RRP1B: variants seen among roughly 807,000 people sequenced by gnomAD.
RRP1B encodes the protein ribosomal RNA processing 1B, also known as ribosomal RNA processing protein 1 homolog B.
Under a neutral mutation model 80.2 loss-of-function variants are expected in RRP1B, and 56 were observed. The observed-to-expected ratio is 0.70, with a 90% confidence interval of 0.56 to 0.87. The LOEUF is 0.87. Ranked by LOEUF, RRP1B falls within the 40% of genes least tolerant of loss-of-function variation. The probability of loss-of-function intolerance (pLI) is 0.00; values close to 1 mark genes in which losing one functional copy is unlikely to be tolerated. For synonymous variants in RRP1B, 351 were observed against 357.6 expected, an observed-to-expected ratio of 0.98 and a Z score of 0.21; for missense variants, 807 against 939.8, an observed-to-expected ratio of 0.86 and a Z score of 1.85.
chr21:43,693,199 A>T lies in RRP1B; in HGVS notation c.2093A>T (p.Lys698Met). ...LNRNMTAEFK[K>M]TDKSILVSPT... is the part of the protein sequence containing the mutation. The stretch of plus-strand genomic sequence containing the variant: ...CTCTCATTTGGGACAGAATTCAAGA[A>T]GACAGACAAGAGTATCTTGGTCAGT... Residue 698 changes from lysine (K) to methionine (M), a missense_variant, in exon 16 of 16, where the codon AAG (lysine) becomes ATG (methionine). Coordinates refer to ENST00000340648, the MANE Select transcript of RRP1B (RefSeq NM_015056.3). The surrounding 1 kb of genome is among the most constrained non-coding windows in gnomAD (Gnocchi z 4.1). 1 of 1,613,926 alleles carries T rather than the reference A, an allele frequency of 6.2e-7. No individual in the cohort carries two copies. The highest frequency in any genetic ancestry group is 1.1e-5 in the South Asian group (1 of 91,050).
chr21:43,682,241 A>G (rs562494829), intron 8 of RRP1B, among the ~76,000 whole-genome samples: 1 of 152,270 alleles, frequency 6.6e-6, no homozygotes, highest in Admixed American at 6.5e-5. Context: ...CTGTCGCCTA[A>G]CCTGGACACA....
Position 43,683,341 on chromosome 21 carries a change from G to A in RRP1B, c.859G>A (p.Gly287Arg), listed in dbSNP as rs372777760. The change falls in exon 9 of 16, where the codon GGA (glycine) becomes AGA (arginine). Residue 287 changes from glycine (G) to arginine (R), a missense_variant. Coordinates refer to ENST00000340648, the MANE Select transcript of RRP1B (RefSeq NM_015056.3). Reference sequence around the variant, plus strand: ...TGATGAAAGAGGAAGAGATGACTGTGGAACCTTTGAGGACACAGGGCCCCT... The same window carrying A: ...TGATGAAAGAGGAAGAGATGACTGTAGAACCTTTGAGGACACAGGGCCCCT... ...LSDERGRDDCGTFEDTGPLLQ... is the reference protein window; with the variant it reads ...LSDERGRDDCRTFEDTGPLLQ... The A allele has an allele frequency of 4.3e-6, 7 of 1,614,014 alleles. No individual in the cohort carries two copies. The African/African-American group carries it at 8.0e-5, about 18-fold the overall frequency.
At chr21:43,689,248 G>A (rs1242012268) in intron 13 of RRP1B, among the ~76,000 whole-genome samples, 1 of 152,256 alleles carries the variant, frequency 6.6e-6, no homozygotes, top group East Asian at 1.9e-4. Context: ...CTGTAAAGCA[G>A]AAAATAACTC....
chr21:43,677,880 C>T (rs1242732630), intron 8 of RRP1B, among the ~76,000 whole-genome samples: 4 of 152,160 alleles, frequency 2.6e-5, no homozygotes, highest in African/African-American at 4.8e-5. Context: ...GTGTATATTC[C>T]GCATTTTCTT....
rs971701384 is a variant in RRP1B at position 43,691,190 on chromosome 21, C to G, written c.2020-249C>G. ...AGATGGGCCAAGAGTGTGGGCACCA[C>G]TGACCCTGGGCTGGGGGGTTGCGTG... On this transcript the variant is annotated intron_variant, in intron 14 of 15. Coordinates refer to ENST00000340648, the MANE Select transcript of RRP1B (RefSeq NM_015056.3). The surrounding 1 kb of genome is among the most constrained non-coding windows in gnomAD (Gnocchi z 4.2). 2.6e-5 allele frequency among the ~76,000 whole-genome samples: 4 copies of G among 152,220 alleles called. No homozygotes were observed. The highest frequency in any genetic ancestry group is 2.6e-4 in the Admixed American group (4 of 15,274).
intron 1 of RRP1B, among the ~76,000 whole-genome samples, chr21:43,667,118 G>A (rs369815387): frequency 4.6e-5 from 7 of 152,142 alleles, no homozygotes; most frequent in African/African-American, 1.2e-4. Context: ...CATCACCTCT[G>A]GCATCTGATG....
rs1177021685 is a variant in RRP1B at position 43,673,965 on chromosome 21, G to T, written c.357+10G>T. The T allele has an allele frequency of 6.3e-7, 1 of 1,580,234 alleles. No individual in the cohort carries two copies. Among genetic ancestry groups the T allele is most frequent in the African/African-American group, 1.4e-5 (1 of 73,996 alleles). On this transcript the variant is annotated intron_variant, in intron 4 of 15. Transcript: ENST00000340648. ...GGACAAATACTATATGGTAAGATCT[G>T]CCGCAGTTACTTCAAAAACTCCTGG...
At chr21:43,679,212 TTTTG>T (rs978917021) in intron 8 of RRP1B, among the ~76,000 whole-genome samples, 14 of 149,990 alleles carry the variant, frequency 9.3e-5, no homozygotes, top group African/African-American at 3.6e-4. Context: ...TTTGAGGGTT[TTTTG>T]TTTTTTTGTG....
rs2083010291 is a variant in RRP1B at position 43,673,916 on chromosome 21, G to C, written c.318G>C (p.Trp106Cys). 1 of 1,613,618 alleles carries C rather than the reference G, an allele frequency of 6.2e-7. No individual in the cohort carries two copies. The highest frequency in any genetic ancestry group is 1.3e-5 in the African/African-American group (1 of 74,934). Residue 106 changes from tryptophan (W) to cysteine (C), a missense_variant, in exon 4 of 16, where the codon TGG becomes TGC. Transcript: ENST00000340648. ...QTFWQTMNRE[W>C]KGIDRLRLDK... ...TTTGGCAAACCATGAATCGAGAATG[G>C]AAAGGAATAGACAGGCTACGCCTGG...
Position 43,691,033 on chromosome 21 carries a change from CAG to C in RRP1B, c.2020-405_2020-404del, listed in dbSNP as rs1260506576. On this transcript the variant is annotated intron_variant, in intron 14 of 15. Transcript: ENST00000340648. The surrounding 1 kb of genome is among the most constrained non-coding windows in gnomAD (Gnocchi z 4.2). ...AAGTTCAGAACTCTCCAGCAAAAGG[CAG>C]GGGAGTCTTGGCATTTTTCCTCACG... is the stretch of plus-strand genomic sequence containing the variant. 6.6e-6 allele frequency among the ~76,000 whole-genome samples: 1 copy of C among 152,182 alleles called. No individual in the cohort carries two copies. The highest frequency in any genetic ancestry group is 1.5e-5 in the Non-Finnish European group (1 of 68,044).
At chr21:43,683,402 A>G (rs757654772) in intron 9 of RRP1B, 29 bp downstream of exon 9, 2 of 1,573,082 alleles carry the variant, frequency 1.3e-6, no homozygotes, top group East Asian at 2.2e-5. Flanking sequence ...TTTTTATAGA[A>G]TATAGATTTG....
intron 1 of RRP1B, among the ~76,000 whole-genome samples, chr21:43,661,041 T>A (rs1336202888): frequency 1.3e-5 from 2 of 152,212 alleles, no homozygotes; most frequent in African/African-American, 4.8e-5. Flanking sequence ...CCCCCATCAC[T>A]GACATTCTCA....
rs1267638087 is a variant in RRP1B, at chr21:43,659,836, G to C, written c.130+42G>C. On this transcript the variant is annotated intron_variant, in intron 1 of 15. Coordinates refer to ENST00000340648, the MANE Select transcript of RRP1B (RefSeq NM_015056.3). The surrounding 1 kb of genome is among the most constrained non-coding windows in gnomAD (Gnocchi z 4.2). ...GGTCAGCCGCGCCACATGGCGGGCC[G>C]GGGGCCGGGGCTGGGGCTAGGGCCA... 1.4e-6 allele frequency: 2 copies of C among 1,470,956 alleles called. No homozygotes were observed. Among genetic ancestry groups the C allele is most frequent in the Admixed American group, 2.3e-5 (1 of 43,814 alleles). 91.1% of individuals were successfully genotyped at this position (1,470,956 alleles called of 1,614,324 possible). A position where few individuals can be genotyped will look rare whatever the true frequency, so the allele number is the denominator to read the frequency against.
chr21:43,674,813 A>G (rs2083015057), intron 5 of RRP1B, 116 bp downstream of exon 5: 1 of 1,076,512 alleles, frequency 9.3e-7, no homozygotes, highest in Non-Finnish European at 1.4e-6. Context: ...CGTTACCTAT[A>G]GAGAATTGAA....
At chr21:43,661,467 C>T (rs1453683137) in intron 1 of RRP1B, among the ~76,000 whole-genome samples, 2 of 152,196 alleles carry the variant, frequency 1.3e-5, no homozygotes, top group East Asian at 3.8e-4. Context: ...TCCTGGACTC[C>T]TCTGAATTCC....
At chr21:43,684,435 T>C in intron 9 of RRP1B, 118 bp from the exon 10 acceptor site, 1 of 840,418 alleles carries the variant, frequency 1.2e-6, no homozygotes, top group African/African-American at 1.7e-5. Flanking sequence ...ACAAGCTTGT[T>C]TAGCCTATCT....
At chr21:43,682,723 G>C (rs560856997) in intron 8 of RRP1B, among the ~76,000 whole-genome samples, 1 of 152,240 alleles carries the variant, frequency 6.6e-6, no homozygotes, top group African/African-American at 2.4e-5. Flanking sequence ...GGAAATCATC[G>C]AAGGCAGCAG....
chr21:43,685,739 T>C lies in RRP1B; in HGVS notation c.990-31T>C, dbSNP rs2083060434. 2.9e-6 allele frequency: 4 copies of C among 1,399,828 alleles called. No individual in the cohort carries two copies. The South Asian group carries it at 6.0e-5, about 21-fold the overall frequency. 86.7% of individuals were successfully genotyped at this position (1,399,828 alleles called of 1,614,324 possible). A position where few individuals can be genotyped will look rare whatever the true frequency, so the allele number is the denominator to read the frequency against. On this transcript the variant is annotated intron_variant, in intron 10 of 15. Transcript: ENST00000340648. Reference sequence around the variant, plus strand: ...TCTTTATGAACATTTGTTATTTTTTTATTTTTTATTTTTTATTTTTTTATT... The same window carrying C: ...TCTTTATGAACATTTGTTATTTTTTCATTTTTTATTTTTTATTTTTTTATT...
intron 1 of RRP1B, among the ~76,000 whole-genome samples, chr21:43,669,277 A>T (rs2082990317): frequency 6.6e-6 from 1 of 152,168 alleles, no homozygotes; most frequent in Admixed American, 6.5e-5. Flanking sequence ...GGTGACTGGG[A>T]GGCAGCCACT....
Sources: allele counts gnomAD v4.1 joint callset (sites outside exome capture counted in the v4.1 genomes callset), GRCh38; gene constraint gnomAD v4.1.1; non-coding constraint Gnocchi (gnomAD v3.1); transcripts MANE v1.5; gene names NCBI Gene and HGNC (gene_info 2026-07-23, HGNC 2026-07-21).